Variants in EPCIP observed in about 807,000 individuals in gnomAD.
EPCIP encodes the protein exosomal polycystin-1-interacting protein.
the EPCIP span, chr21:32,793,526 A>C: frequency 5.2e-6 from 3 of 580,100 alleles, no homozygotes; most frequent in African/African-American, 1.9e-5. Flanking sequence ...CCTGGACGGA[A>C]TCAAGTTGGT....
chr21:32,793,784 T>C, the EPCIP span: 1 of 1,614,160 alleles, frequency 6.2e-7, no homozygotes, highest in Non-Finnish European at 8.5e-7. Context: ...TGTGACAACA[T>C]AGCTTTTGTT....
chr21:32,803,993 A>G, the EPCIP span, among the ~76,000 whole-genome samples: 1 of 152,180 alleles, frequency 6.6e-6, no homozygotes, highest in Non-Finnish European at 1.5e-5. Context: ...CTATAGTAGG[A>G]TCTAAACTAT....
chr21:32,799,600 C>A, the EPCIP span, among the ~76,000 whole-genome samples: 1 of 152,164 alleles, frequency 6.6e-6, no homozygotes, highest in Non-Finnish European at 1.5e-5. Flanking sequence ...GAGCCTTTCA[C>A]AATTTTCTTC....
the EPCIP span, chr21:32,791,596 A>G: frequency 6.6e-6 from 1 of 151,992 alleles, no homozygotes; most frequent in African/African-American, 2.4e-5. Context: ...ATTAAAATTC[A>G]TACTTTGGTC....
chr21:32,805,882 G>A, the EPCIP span, among the ~76,000 whole-genome samples: 1 of 152,224 alleles, frequency 6.6e-6, no homozygotes, highest in Non-Finnish European at 1.5e-5. Context: ...CCATAGAATA[G>A]TCACACTATG....
At chr21:32,812,327 G>A in the EPCIP span, among the ~76,000 whole-genome samples, 1 of 152,168 alleles carries the variant, frequency 6.6e-6, no homozygotes, top group Non-Finnish European at 1.5e-5. Flanking sequence ...CACGCCCACA[G>A]AACTGTGAGG....
the EPCIP span, among the ~76,000 whole-genome samples, chr21:32,795,799 G>A: frequency 2.0e-5 from 3 of 152,218 alleles, no homozygotes; most frequent in Non-Finnish European, 4.4e-5. Context: ...CGGGTAGACA[G>A]GCAGGAGGCA....
chr21:32,804,002 A>C, the EPCIP span, among the ~76,000 whole-genome samples: 2 of 152,150 alleles, frequency 1.3e-5, no homozygotes, highest in African/African-American at 4.8e-5. Flanking sequence ...GATCTAAACT[A>C]TATGCTCTCA....
At chr21:32,800,344 A>C in the EPCIP span, among the ~76,000 whole-genome samples, 2 of 152,230 alleles carry the variant, frequency 1.3e-5, no homozygotes, top group Non-Finnish European at 1.5e-5. Context: ...TATCTCCTCA[A>C]TTTAGAACCC....
the EPCIP span, among the ~76,000 whole-genome samples, chr21:32,809,461 C>A: frequency 6.6e-6 from 1 of 151,098 alleles, no homozygotes; most frequent in Admixed American, 6.6e-5. Context: ...TCACCTTGAA[C>A]TTCTGGGCTC....
At chr21:32,797,457 C>T in the EPCIP span, 62 of 171,390 alleles carry the variant, frequency 3.6e-4, no homozygotes, top group Middle Eastern at 8.6e-3. Flanking sequence ...CCATGTTGGC[C>T]AGGCTGGTCT....
At chr21:32,812,983 A>T in the EPCIP span, among the ~76,000 whole-genome samples, 1 of 152,154 alleles carries the variant, frequency 6.6e-6, no homozygotes, top group Admixed American at 6.6e-5. Flanking sequence ...GTTAATGCTC[A>T]TCTTAGCTTA....
At chr21:32,794,454 C>T in the EPCIP span, 1 of 1,586,120 alleles carries the variant, frequency 6.3e-7, no homozygotes, top group Non-Finnish European at 8.6e-7. Flanking sequence ...TGTTTATCCC[C>T]CCTCTTTTTG....
chr21:32,812,783 C>G, the EPCIP span, among the ~76,000 whole-genome samples: 2 of 152,094 alleles, frequency 1.3e-5, no homozygotes, highest in Non-Finnish European at 2.9e-5. Flanking sequence ...CACCAACATA[C>G]TTTTTGCTAA....
the EPCIP span, among the ~76,000 whole-genome samples, chr21:32,809,288 CTTTCTTT>C: frequency 9.3e-3 from 1,087 of 116,750 alleles, 28 homozygotes; most frequent in East Asian, 0.035. Flanking sequence ...TCCTTTCTTT[CTTTCTTT>C]CTTTCTTTCT....
chr21:32,804,299 A>G, the EPCIP span, among the ~76,000 whole-genome samples: 1 of 139,578 alleles, frequency 7.2e-6, no homozygotes, highest in African/African-American at 2.6e-5. Flanking sequence ...ATATATATGA[A>G]TAGTACTATA....
the EPCIP span, among the ~76,000 whole-genome samples, chr21:32,802,593 C>A: frequency 3.5e-4 from 54 of 152,314 alleles, no homozygotes; most frequent in African/African-American, 1.2e-3. Flanking sequence ...TTTGTTGACT[C>A]CTTCTAACTC....
chr21:32,799,416 G>A, the EPCIP span, among the ~76,000 whole-genome samples: 1 of 152,180 alleles, frequency 6.6e-6, no homozygotes, highest in Admixed American at 6.5e-5. Context: ...GACACACTTT[G>A]GGTACTGCAT....
chr21:32,800,905 G>C, the EPCIP span, among the ~76,000 whole-genome samples: 7 of 152,190 alleles, frequency 4.6e-5, no homozygotes, highest in South Asian at 1.5e-3. Flanking sequence ...TATTTGTCAT[G>C]GTTGCATCAA....
Sources: gnomAD v4.1 joint callset for allele counts (sites outside exome capture counted in the v4.1 genomes callset) on GRCh38, gnomAD v4.1.1 for gene constraint, MANE v1.5 for transcripts, NCBI Gene and HGNC (gene_info 2026-07-23, HGNC 2026-07-21) for gene names.